IL13RA2: variants seen among roughly 807,000 people sequenced by gnomAD.
IL13RA2 encodes the protein interleukin 13 receptor subunit alpha 2.
IL13RA2 carries 25 observed loss-of-function variants against 34.1 expected under a neutral mutation model. The observed-to-expected ratio is 0.73, with a 90% confidence interval of 0.53 to 1.03. The LOEUF is 1.03. IL13RA2 is among the 50% of genes least tolerant of loss of function. IL13RA2 has a pLI of 0.00. For synonymous variants in IL13RA2, 106 were observed against 100.4 expected (o/e 1.06, Z -0.33); for missense variants, 297 against 280.9 (o/e 1.06, Z -0.41).
chrX:115,013,707 T>G, intron 5 of IL13RA2, 62 bp downstream of exon 5: 1 of 597,317 alleles, frequency 1.7e-6, no homozygotes. Context: ...AGTTTACTCA[T>G]ACTATCGACT....
chrX:115,006,961 T>C (rs2071687676), intron 8 of IL13RA2, among the ~76,000 whole-genome samples: 1 of 111,838 alleles, frequency 8.9e-6, no homozygotes, highest in Admixed American at 9.5e-5. Context: ...TTTTCCACTG[T>C]CTTGCTATTT....
intron 8 of IL13RA2, 47 bp from the exon 9 acceptor site, chrX:115,005,362 A>G (rs782283670): frequency 1.6e-6 from 1 of 632,985 alleles, no homozygotes; most frequent in Non-Finnish European, 2.7e-6. Flanking sequence ...GACATTTGCC[A>G]CTATTTTTGA....
Position 115,017,335 on chromosome X carries a change from T to G in IL13RA2, c.-33-33A>C. 5 of 584,808 alleles carry G rather than the reference T, an allele frequency of 8.5e-6. No homozygotes were observed. In the South Asian group the frequency reaches 1.2e-4, roughly 14 times the overall value. 48.2% of individuals were successfully genotyped at this position (584,808 alleles called of 1,213,427 possible). On this transcript the variant is annotated intron_variant, in intron 1 of 9. Transcript: ENST00000243213. Reference sequence around the variant, plus strand: ...GGAAAAATATAACATTTTAACTTTATCTTACATCAAATAATCAAACTAAAC... The same window carrying G: ...GGAAAAATATAACATTTTAACTTTAGCTTACATCAAATAATCAAACTAAAC...
intron 8 of IL13RA2, among the ~76,000 whole-genome samples, chrX:115,006,030 G>C (rs1029423526): frequency 8.9e-6 from 1 of 111,786 alleles, no homozygotes; most frequent in East Asian, 2.8e-4. Context: ...CATCTACAAA[G>C]CTCTCTTGAT....
intron 5 of IL13RA2, among the ~76,000 whole-genome samples, chrX:115,012,069 T>C (rs2071707750): frequency 8.9e-6 from 1 of 112,492 alleles, no homozygotes; most frequent in Non-Finnish European, 1.9e-5. Flanking sequence ...CCAAGTTAAA[T>C]GATGCTAGAG....
chrX:115,012,540 A>G (rs191847564), intron 5 of IL13RA2, among the ~76,000 whole-genome samples: 27 of 112,085 alleles, frequency 2.4e-4, no homozygotes, highest in African/African-American at 7.5e-4. Context: ...TGAGGTGGGC[A>G]GATCACTTGA....
At chrX:115,015,270 C>G (rs999123529) in intron 3 of IL13RA2, among the ~76,000 whole-genome samples, 2 of 111,460 alleles carry the variant, frequency 1.8e-5, no homozygotes, top group East Asian at 5.6e-4. Context: ...CTGCGACCCT[C>G]TGTGGGAAGG....
chrX:115,006,402 G>A (rs2071685077), intron 8 of IL13RA2, among the ~76,000 whole-genome samples: 1 of 112,119 alleles, frequency 8.9e-6, no homozygotes, highest in Non-Finnish European at 1.9e-5. Context: ...TATGAAGAGG[G>A]CTGGGCACAG....
At chrX:115,009,450 G>T in intron 7 of IL13RA2, 71 bp downstream of exon 7, 1 of 869,781 alleles carries the variant, frequency 1.1e-6, no homozygotes, top group African/African-American at 2.0e-5. Flanking sequence ...AACTGATTTT[G>T]GTTCTCACAT....
intron 8 of IL13RA2, among the ~76,000 whole-genome samples, chrX:115,006,500 C>T (rs1226355980): frequency 1.8e-5 from 2 of 110,788 alleles, no homozygotes; most frequent in Non-Finnish European, 3.8e-5. Context: ...CTAGCCGACA[C>T]GGTGAAACTC....
chrX:115,008,939 G>C (rs1188954552), intron 7 of IL13RA2, among the ~76,000 whole-genome samples: 1 of 111,603 alleles, frequency 9.0e-6, no homozygotes, highest in African/African-American at 3.3e-5. Context: ...TTTCTTATCT[G>C]TATATGAAAG....
At chrX:115,017,466 C>A (rs2071733028) in intron 1 of IL13RA2, 87 bp downstream of exon 1, 2 of 358,184 alleles carry the variant, frequency 5.6e-6, no homozygotes, top group Non-Finnish European at 9.7e-6. Flanking sequence ...AGTTAGGAAC[C>A]AATATAATTG....
chrX:115,005,561 A>C (rs1262205547), intron 8 of IL13RA2, among the ~76,000 whole-genome samples: 2 of 112,168 alleles, frequency 1.8e-5, no homozygotes, highest in African/African-American at 3.2e-5. Context: ...AACTTCCCCA[A>C]ACACAATTCT....
chrX:115,005,913 TGA>T (rs2071683475), intron 8 of IL13RA2, among the ~76,000 whole-genome samples: 2 of 112,159 alleles, frequency 1.8e-5, no homozygotes, highest in Admixed American at 1.9e-4. Context: ...TAGCAAGAAA[TGA>T]GCAATCACTA....
chrX:115,017,125 T>C (rs2071731168), intron 2 of IL13RA2, 51 bp downstream of exon 2: 1 of 617,807 alleles, frequency 1.6e-6, no homozygotes, highest in Non-Finnish European at 2.7e-6. Context: ...TTAAAATCCA[T>C]TTAATTTTAC....
intron 2 of IL13RA2, among the ~76,000 whole-genome samples, chrX:115,016,606 C>A (rs13440701): frequency 0.28 from 28,953 of 104,110 alleles, 4,896 homozygotes; most frequent in African/African-American, 0.63. Flanking sequence ...TAACATATCA[C>A]TATAATATAA....
intron 4 of IL13RA2, 33 bp downstream of exon 4, chrX:115,014,388 G>A: frequency 9.4e-7 from 1 of 1,066,243 alleles, no homozygotes; most frequent in Non-Finnish European, 1.3e-6. Context: ...TGTTCTGATA[G>A]TATTAAATAT....
chrX:115,007,973 T>A lies in IL13RA2; in HGVS notation c.956A>T (p.Asp319Val). The A allele has an allele frequency of 8.8e-7, 1 of 1,130,403 alleles. No homozygotes were observed. Among genetic ancestry groups the A allele is most frequent in the East Asian group, 3.0e-5 (1 of 33,148 alleles). 93.2% of individuals were successfully genotyped at this position (1,130,403 alleles called of 1,213,427 possible). A position where few individuals can be genotyped will look rare whatever the true frequency, so the allele number is the denominator to read the frequency against. ...ATCACTCCACTCACTCCAAATTCCG[T>A]CATCTGAGCAATAAATATTCACTTT... Reference protein sequence around the residue: ...RSKVNIYCSDDGIWSEWSDKQ... With the variant: ...RSKVNIYCSDVGIWSEWSDKQ... Residue 319 changes from aspartate to valine, a missense_variant, in exon 8 of 10, where the codon GAC (aspartate) becomes GTC (valine). Coordinates refer to ENST00000243213, the MANE Select transcript of IL13RA2 (RefSeq NM_000640.3).
At chrX:115,009,413 G>T in intron 7 of IL13RA2, 108 bp downstream of exon 7, 1 of 576,112 alleles carries the variant, frequency 1.7e-6, no homozygotes, top group Non-Finnish European at 2.9e-6. Context: ...TAAGATATAT[G>T]TCATGTTCTG....
Sources: gnomAD v4.1 joint callset for allele counts (sites outside exome capture counted in the v4.1 genomes callset) on GRCh38, gnomAD v4.1.1 for gene constraint, MANE v1.5 for transcripts, NCBI Gene and HGNC (gene_info 2026-07-23, HGNC 2026-07-21) for gene names.